Variants in MIGA1 observed in about 807,000 individuals in gnomAD.
MIGA1 encodes the protein mitoguardin 1.
Under a neutral mutation model 82.0 loss-of-function variants are expected in MIGA1, and 58 were observed. The ratio of observed to expected loss-of-function variants is 0.71; its 90% confidence interval spans 0.57 to 0.88. The LOEUF is 0.88. Ranked by LOEUF, MIGA1 falls within the 40% of genes least tolerant of loss-of-function variation. MIGA1 has a pLI of 0.00. For synonymous variants in MIGA1, 249 were observed against 253.6 expected (o/e 0.98, Z 0.17); for missense variants, 751 against 749.1 (o/e 1.00, Z -0.03).
chr1:77,835,281 C>G (rs1684384634), intron 7 of MIGA1, among the ~76,000 whole-genome samples: 1 of 152,004 alleles, frequency 6.6e-6, no homozygotes, highest in South Asian at 2.1e-4. Context: ...AGATTTTTGG[C>G]CTAGAATATG....
chr1:77,852,943 G>A (rs139214703), intron 8 of MIGA1, among the ~76,000 whole-genome samples: 2,646 of 152,056 alleles, frequency 0.017, 92 homozygotes, highest in African/African-American at 0.061. Flanking sequence ...CGCCTGCCTC[G>A]GCCTCCCAAA....
At chr1:77,831,888 A>G (rs1684258684) in intron 7 of MIGA1, among the ~76,000 whole-genome samples, 1 of 152,232 alleles carries the variant, frequency 6.6e-6, no homozygotes, top group African/African-American at 2.4e-5. Flanking sequence ...ACACCAAAAA[A>G]GTAAACCCGA....
intron 1 of MIGA1, among the ~76,000 whole-genome samples, chr1:77,782,013 A>G (rs2101673286): frequency 6.6e-6 from 1 of 151,548 alleles, no homozygotes; most frequent in South Asian, 2.1e-4. Flanking sequence ...TGGTGTAGGC[A>G]GGGTTTCACC....
intron 10 of MIGA1, chr1:77,859,836 T>G: frequency 2.2e-6 from 1 of 463,090 alleles, no homozygotes. Context: ...AATTCAAATT[T>G]AACTCCCTTT....
chr1:77,789,160 CT>C (rs1232225685), intron 2 of MIGA1, among the ~76,000 whole-genome samples: 3 of 136,740 alleles, frequency 2.2e-5, no homozygotes, highest in Non-Finnish European at 3.1e-5. Flanking sequence ...GTATTGTATT[CT>C]TTTGGATAAT....
In MIGA1 at chr1:77,824,983, C is replaced by CTTT. The variant is rs11375207; in HGVS notation, c.895+9773_895+9775dup. On this transcript the variant is annotated intron_variant, in intron 7 of 15. Coordinates refer to ENST00000370791, the MANE Select transcript of MIGA1 (RefSeq NM_198549.4). Reference sequence around the variant, plus strand: ...AACAATAGTTATTTGTTCTATTCCTCTTTTTTTTTTTTTTTTTTTTTTTGA... The same window carrying CTTT: ...AACAATAGTTATTTGTTCTATTCCTCTTTTTTTTTTTTTTTTTTTTTTTTTTGA... Among the ~76,000 whole-genome samples, 727 of 102,986 alleles carry CTTT rather than the reference C, an allele frequency of 7.1e-3. 1 individual carries two copies. Among genetic ancestry groups the CTTT allele is most frequent in the Middle Eastern group, 0.012 (2 of 172 alleles). 67.6% of individuals were successfully genotyped at this position (102,986 alleles called of 152,430 possible).
chr1:77,843,524 A>G (rs1684705339), intron 8 of MIGA1, 117 bp downstream of exon 8: 3 of 707,512 alleles, frequency 4.2e-6, no homozygotes, highest in Non-Finnish European at 7.2e-6. Context: ...ACCATGTGGT[A>G]GGTGCCAGGA....
At chr1:77,871,525 T>C (rs1039386844) in intron 14 of MIGA1, among the ~76,000 whole-genome samples, 2 of 147,338 alleles carry the variant, frequency 1.4e-5, no homozygotes, top group African/African-American at 2.5e-5. Context: ...GAAAAGAAAA[T>C]GAGGTTTAGA....
intron 2 of MIGA1, among the ~76,000 whole-genome samples, chr1:77,791,329 C>T (rs1416304556): frequency 6.7e-6 from 1 of 149,966 alleles, no homozygotes; most frequent in African/African-American, 2.4e-5. Flanking sequence ...CCTTTTTTCA[C>T]TCAGCATAAT....
At chr1:77,820,486 T>G (rs1270105687) in intron 7 of MIGA1, among the ~76,000 whole-genome samples, 1 of 152,194 alleles carries the variant, frequency 6.6e-6, no homozygotes. Context: ...GTACCAATTT[T>G]ATAAACTGAG....
intron 8 of MIGA1, among the ~76,000 whole-genome samples, chr1:77,854,976 A>G (rs539190994): frequency 2.6e-5 from 4 of 152,198 alleles, no homozygotes; most frequent in African/African-American, 7.2e-5. Flanking sequence ...GCCTAAGCCA[A>G]TGTCTAGAAG....
chr1:77,821,498 C>T (rs770066948), intron 7 of MIGA1, among the ~76,000 whole-genome samples: 5 of 151,238 alleles, frequency 3.3e-5, no homozygotes, highest in East Asian at 1.9e-4. Flanking sequence ...TGGGTTCAAG[C>T]GATTCTCTTG....
intron 8 of MIGA1, among the ~76,000 whole-genome samples, chr1:77,844,814 C>T (rs925080292): frequency 6.6e-6 from 1 of 151,996 alleles, no homozygotes; most frequent in Non-Finnish European, 1.5e-5. Flanking sequence ...AAACACCATC[C>T]CTACAAAAAA....
intron 2 of MIGA1, among the ~76,000 whole-genome samples, chr1:77,792,458 AAG>A (rs745992764): frequency 5.3e-5 from 8 of 152,194 alleles, no homozygotes; most frequent in South Asian, 2.1e-4. Context: ...TCTGGTGGGA[AAG>A]AGAGGGGAGC....
chr1:77,807,196 C>A, intron 5 of MIGA1, 95 bp downstream of exon 5: 2 of 983,728 alleles, frequency 2.0e-6, no homozygotes, highest in Non-Finnish European at 3.0e-6. Flanking sequence ...GGGTCTCACT[C>A]TGTCACCCAG....
intron 2 of MIGA1, among the ~76,000 whole-genome samples, chr1:77,800,672 A>G (rs1682841634): frequency 6.6e-6 from 1 of 152,150 alleles, no homozygotes; most frequent in African/African-American, 2.4e-5. Context: ...TGCTGTAATT[A>G]TTTGCCAATA....
intron 14 of MIGA1, among the ~76,000 whole-genome samples, chr1:77,866,872 G>A (rs978590632): frequency 6.6e-6 from 1 of 151,696 alleles, no homozygotes; most frequent in Admixed American, 6.6e-5. Context: ...TAGAGATGGG[G>A]TTTCACCATG....
rs147894677 is a variant in MIGA1, at chr1:77,804,951, T to C, written c.510+1545T>C. Among the ~76,000 whole-genome samples the C allele has an allele frequency of 7.1e-3, 1,080 of 151,972 alleles. 15 individuals carry two copies. The highest frequency in any genetic ancestry group is 0.024 in the African/African-American group (1,005 of 41,434). The stretch of plus-strand genomic sequence containing the variant: ...CTGTATTCATTTTTTCTTCATAGTT[T>C]ATAGAACACCATATTCTGTTCTGTA... On this transcript the variant is annotated intron_variant, in intron 4 of 15. Transcript: ENST00000370791.
chr1:77,822,025 TCTTAC>T (rs1206284592), intron 7 of MIGA1, among the ~76,000 whole-genome samples: 2 of 152,100 alleles, frequency 1.3e-5, no homozygotes, highest in African/African-American at 4.8e-5. Flanking sequence ...AGAACTTAAA[TCTTAC>T]CTTACACACC....
Sources: gnomAD v4.1 joint callset for allele counts (sites outside exome capture counted in the v4.1 genomes callset) on GRCh38, gnomAD v4.1.1 for gene constraint, MANE v1.5 for transcripts, NCBI Gene and HGNC (gene_info 2026-07-23, HGNC 2026-07-21) for gene names.